TTC17: variants seen among roughly 807,000 people sequenced by gnomAD.
The protein encoded by TTC17 is tetratricopeptide repeat protein 17.
In TTC17, 58 loss-of-function variants were observed where a neutral mutation model predicts 143.8. The observed-to-expected ratio is 0.40, with a 90% CI of 0.33 to 0.50. TTC17 has a LOEUF of 0.50. Among genes scored for constraint, TTC17 ranks in the 20% least tolerant of loss-of-function variants. The pLI, the probability that TTC17 is intolerant of heterozygous loss-of-function variation, is 0.49. For missense variants in TTC17, 1,273 were observed against 1,392.5 expected (o/e 0.91, Z 1.37); for synonymous variants, 501 against 497.8 (o/e 1.01, Z -0.09).
chr11:43,377,545 G>A lies in TTC17; in HGVS notation c.160-1688G>A, dbSNP rs73549416. Reference sequence around the variant, plus strand: ...TATGTCAGGCTGTAAGTCTTCTGCAGTCAACTTTTATCTGGCAAAGATCTT... The same window carrying A: ...TATGTCAGGCTGTAAGTCTTCTGCAATCAACTTTTATCTGGCAAAGATCTT... On this transcript the variant is annotated intron_variant, in intron 1 of 23. Transcript: ENST00000039989. Among the ~76,000 whole-genome samples, 291 of 152,296 alleles carry A rather than the reference G, an allele frequency of 1.9e-3. 1 individual carries two copies. Among genetic ancestry groups the A allele is most frequent in the African/African-American group, 6.7e-3 (280 of 41,572 alleles).
intron 6 of TTC17, 76 bp downstream of exon 6, chr11:43,396,894 G>T: frequency 1.3e-6 from 1 of 786,182 alleles, no homozygotes; most frequent in Non-Finnish European, 1.9e-6. Context: ...TAAGAAAGCA[G>T]TAAGAAGCAA....
At chr11:43,425,384 T>C (rs1947003483) in intron 16 of TTC17, among the ~76,000 whole-genome samples, 1 of 152,212 alleles carries the variant, frequency 6.6e-6, no homozygotes, top group South Asian at 2.1e-4. Flanking sequence ...TCTACGTTGG[T>C]AGAGTGGGCT....
chr11:43,366,679 A>G (rs1212981916), intron 1 of TTC17, among the ~76,000 whole-genome samples: 4 of 151,954 alleles, frequency 2.6e-5, no homozygotes, highest in African/African-American at 9.7e-5. Context: ...ATATGGTCCA[A>G]ACTCTTTCTA....
intron 16 of TTC17, among the ~76,000 whole-genome samples, chr11:43,418,232 T>G (rs1946821000): frequency 6.6e-6 from 1 of 152,254 alleles, no homozygotes; most frequent in Non-Finnish European, 1.5e-5. Context: ...ATTTGTTAGA[T>G]TCATGTGTTC....
At chr11:43,442,294 ATC>A (rs886660491) in intron 16 of TTC17, among the ~76,000 whole-genome samples, 3 of 152,190 alleles carry the variant, frequency 2.0e-5, no homozygotes, top group African/African-American at 7.2e-5. Context: ...CATGTTCTAA[ATC>A]CCTGAACAAG....
intron 2 of TTC17, among the ~76,000 whole-genome samples, chr11:43,383,477 C>T (rs1318834203): frequency 5.3e-5 from 8 of 151,918 alleles, no homozygotes; most frequent in African/African-American, 1.9e-4. Context: ...CTCAGCCTCC[C>T]GAGTGGCTAG....
At chr11:43,422,260 A>T (rs1946923522) in intron 16 of TTC17, among the ~76,000 whole-genome samples, 1 of 152,156 alleles carries the variant, frequency 6.6e-6, no homozygotes, top group African/African-American at 2.4e-5. Context: ...TTAATGAGAT[A>T]CTCAGGTCTG....
At chr11:43,444,718 T>TACACAC (rs1347466173) in intron 18 of TTC17, among the ~76,000 whole-genome samples, 179 of 91,198 alleles carry the variant, frequency 2.0e-3, no homozygotes, top group Non-Finnish European at 3.5e-3. Context: ...GTTCACCAAA[T>TACACAC]ACATACACAC....
chr11:43,377,414 C>G (rs1002169807), intron 1 of TTC17, among the ~76,000 whole-genome samples: 2 of 152,190 alleles, frequency 1.3e-5, no homozygotes, highest in Non-Finnish European at 2.9e-5. Context: ...CTCTGATAAT[C>G]TAAGGAGGAG....
intron 13 of TTC17, 36 bp downstream of exon 13, chr11:43,405,987 A>G (rs530005557): frequency 1.9e-6 from 3 of 1,594,306 alleles, no homozygotes; most frequent in East Asian, 2.2e-5. Flanking sequence ...ATTGCCGTCC[A>G]TTCTGGGTGA....
intron 23 of TTC17, 109 bp from the exon 24 acceptor site, chr11:43,493,664 C>A: frequency 6.6e-7 from 1 of 1,522,344 alleles, no homozygotes; most frequent in Non-Finnish European, 9.0e-7. Context: ...TGAGCAAATG[C>A]TGCGGGATTG....
At chr11:43,388,974 CAAAA>C (rs760116786) in intron 2 of TTC17, among the ~76,000 whole-genome samples, 1 of 119,892 alleles carries the variant, frequency 8.3e-6, no homozygotes, top group Non-Finnish European at 1.8e-5. Flanking sequence ...GACCCTGTCT[CAAAA>C]AAAAAAAAAA....
intron 5 of TTC17, among the ~76,000 whole-genome samples, chr11:43,394,619 G>T (rs1857510598): frequency 6.6e-6 from 1 of 152,132 alleles, no homozygotes; most frequent in Non-Finnish European, 1.5e-5. Flanking sequence ...AGGAAGAGAG[G>T]GTTGGGGTGG....
chr11:43,410,569 G>A (rs76243906), intron 15 of TTC17, among the ~76,000 whole-genome samples: 7,641 of 152,114 alleles, frequency 0.05, 193 homozygotes, highest in African/African-American at 0.064. Context: ...ATATTTACAC[G>A]GATATCCAGT....
rs546356081 is a variant in TTC17 at position 43,370,139 on chromosome 11, G to A, written c.160-9094G>A. 6.6e-5 allele frequency: 30 copies of A among 453,622 alleles called. No homozygotes were observed. The East Asian group carries it at 1.7e-3, about 25-fold the overall frequency. 28.1% of individuals were successfully genotyped at this position (453,622 alleles called of 1,614,324 possible). ...GTGGAAGCTGGGCTGCTATTTTTGC[G>A]AACCTGTACTTCTCTAAACCTCAAA... On this transcript the variant is annotated intron_variant, in intron 1 of 23. Coordinates refer to ENST00000039989, the MANE Select transcript of TTC17 (RefSeq NM_018259.6).
chr11:43,371,346 A>G (rs11037424), intron 1 of TTC17, among the ~76,000 whole-genome samples: 87,673 of 152,046 alleles, frequency 0.58, 26,425 homozygotes, highest in African/African-American at 0.73. Context: ...AGCCTCTTCT[A>G]ACCAACCAGC....
At chr11:43,394,183 A>G (rs1337582101) in intron 5 of TTC17, among the ~76,000 whole-genome samples, 9 of 152,224 alleles carry the variant, frequency 5.9e-5, no homozygotes, top group Non-Finnish European at 1.0e-4. Context: ...ATTCAGGCCA[A>G]TATTGCTGGA....
Position 43,397,985 on chromosome 11 carries a change from A to C in TTC17, c.930A>C (p.Glu310Asp), listed in dbSNP as rs762961767. Residue 310 changes from glutamate (E) to aspartate (D), a missense_variant, in exon 8 of 24, where the codon GAA (glutamate) becomes GAC (aspartate). Physicochemically the swap from Glu to Asp is conservative, Grantham distance 45. This residue lies in a region of TTC17 where 325 missense variants were observed against 444.2 expected (regional missense o/e 0.73). Coordinates refer to ENST00000039989, the MANE Select transcript of TTC17 (RefSeq NM_018259.6). The part of the protein sequence containing the change: ...TLGNIYAMLG[E>D]YNHSVLCYDH... ...TTTTGTCTCTTCAGATGCTTGGGGA[A>C]TATAACCACTCAGTGCTCTGTTATG... 3.1e-6 allele frequency: 5 copies of C among 1,612,830 alleles called. No homozygotes were observed. The Admixed American group carries it at 8.4e-5, about 27-fold the overall frequency.
chr11:43,455,312 T>A (rs948942524), intron 21 of TTC17, among the ~76,000 whole-genome samples: 2 of 151,244 alleles, frequency 1.3e-5, no homozygotes, highest in South Asian at 2.1e-4. Flanking sequence ...AGAAAAGATA[T>A]AAACACCCAA....
Sources: allele counts gnomAD v4.1 joint callset (sites outside exome capture counted in the v4.1 genomes callset), GRCh38; gene constraint gnomAD v4.1.1; regional missense constraint gnomAD v4.1.1; transcripts MANE v1.5; gene names NCBI Gene and HGNC (gene_info 2026-07-23, HGNC 2026-07-21).